Variants in RIMBP2 observed in about 807,000 individuals in gnomAD.
RIMBP2 encodes the protein RIMS-binding protein 2.
RIMBP2 carries 48 observed loss-of-function variants against 118.6 expected under a neutral mutation model. The observed-to-expected ratio is 0.40, with a 90% confidence interval of 0.32 to 0.51. The LOEUF (loss-of-function observed/expected upper bound fraction) is 0.51, where lower values mean the gene tolerates loss of function less well. Ranked by LOEUF, RIMBP2 falls within the 20% of genes least tolerant of loss-of-function variation. The pLI, the probability that RIMBP2 is intolerant of heterozygous loss-of-function variation, is 0.41. For missense variants in RIMBP2, 1,551 were observed against 1,768.3 expected, an observed-to-expected ratio of 0.88 and a Z score of 2.20; for synonymous variants, 762 against 742.9, an observed-to-expected ratio of 1.03 and a Z score of -0.42.
intron 2 of RIMBP2, among the ~76,000 whole-genome samples, chr12:130,573,158 A>C (rs1281384817): frequency 2.0e-5 from 3 of 152,066 alleles, no homozygotes; most frequent in Non-Finnish European, 4.4e-5. Flanking sequence ...CTTCATCCCA[A>C]AAAAAGGTAT....
chr12:130,420,479 T>C lies in RIMBP2; in HGVS notation c.3238+1974A>G, dbSNP rs2076347380. ...GAAATTAAGACACGCATGCAGCCTT[T>C]GGAATTCTACGGCTTCAGAAAAATC... On this transcript the variant is annotated intron_variant, in intron 17 of 22. Transcript: ENST00000690449. This position sits in a 1 kb window ranked among gnomAD's most constrained non-coding sequence, Gnocchi z 4.3. 6.6e-6 allele frequency among the ~76,000 whole-genome samples: 1 copy of C among 152,228 alleles called. No individual in the cohort carries two copies. Among genetic ancestry groups the C allele is most frequent in the African/African-American group, 2.4e-5 (1 of 41,468 alleles).
Position 130,620,467 on chromosome 12 carries a change from T to C in RIMBP2, c.-217+7855A>G, listed in dbSNP as rs1198537521. 6.6e-6 allele frequency among the ~76,000 whole-genome samples: 1 copy of C among 152,092 alleles called. No homozygotes were observed. The highest frequency in any genetic ancestry group is 2.1e-4 in the South Asian group (1 of 4,816). ...TGCAACCAGAGACCTCACGTTAGTT[T>C]CCTCCAGCCGCCGTGACAAAGTACG... On this transcript the variant is annotated intron_variant, in intron 2 of 22. Coordinates refer to ENST00000690449, the MANE Select transcript of RIMBP2 (RefSeq NM_001393629.1). The surrounding 1 kb of genome is among the most constrained non-coding windows in gnomAD (Gnocchi z 5.3).
intron 4 of RIMBP2, among the ~76,000 whole-genome samples, chr12:130,488,556 A>G (rs1237488073): frequency 6.6e-6 from 1 of 152,218 alleles, no homozygotes; most frequent in African/African-American, 2.4e-5. Context: ...ATACTGATTC[A>G]TTCTGCACAG....
At chr12:130,458,496 G>A (rs536844205) in intron 6 of RIMBP2, among the ~76,000 whole-genome samples, 57 of 152,196 alleles carry the variant, frequency 3.7e-4, no homozygotes, top group African/African-American at 1.3e-3. Context: ...ACAGAGTGAC[G>A]GGCCCTGCAG....
chr12:130,526,624 G>A (rs550602658), intron 2 of RIMBP2, among the ~76,000 whole-genome samples: 31 of 152,122 alleles, frequency 2.0e-4, no homozygotes, highest in African/African-American at 7.0e-4. Flanking sequence ...TTATGTTTTA[G>A]AAAAGCCATA....
At chr12:130,559,905 C>T (rs1262651608) in intron 2 of RIMBP2, among the ~76,000 whole-genome samples, 2 of 152,230 alleles carry the variant, frequency 1.3e-5, no homozygotes, top group Non-Finnish European at 2.9e-5. Context: ...AACGGTAACA[C>T]CTGCCTCGAA....
At chr12:130,663,842 A>G (rs745380620) in intron 1 of RIMBP2, among the ~76,000 whole-genome samples, 9 of 151,750 alleles carry the variant, frequency 5.9e-5, no homozygotes, top group Non-Finnish European at 8.8e-5. Context: ...GCAAATACAT[A>G]TGCACAGGTT....
Position 130,475,005 on chromosome 12 carries a change from G to A in RIMBP2, c.102+3907C>T, listed in dbSNP as rs2081312459. Among the ~76,000 whole-genome samples, 1 of 152,294 alleles carries A rather than the reference G, an allele frequency of 6.6e-6. No individual in the cohort carries two copies. The highest frequency in any genetic ancestry group is 1.5e-5 in the Non-Finnish European group (1 of 68,032). The stretch of plus-strand genomic sequence containing the variant: ...CTTGCTCCCGGTCTCCAGGAAGCAC[G>A]CGTCTCCCGGGAGAGCCTGAGGTTA... On this transcript the variant is annotated intron_variant, in intron 5 of 22. Coordinates refer to ENST00000690449, the MANE Select transcript of RIMBP2 (RefSeq NM_001393629.1). The surrounding 1 kb of genome is among the most constrained non-coding windows in gnomAD (Gnocchi z 4.1).
chr12:130,612,834 G>A (rs774426165), intron 2 of RIMBP2, among the ~76,000 whole-genome samples: 2 of 152,160 alleles, frequency 1.3e-5, no homozygotes, highest in Non-Finnish European at 2.9e-5. Flanking sequence ...AGCCTGCAGG[G>A]CTGAGCTGGG....
intron 1 of RIMBP2, among the ~76,000 whole-genome samples, chr12:130,699,884 G>A (rs1593032453): frequency 7.7e-6 from 1 of 129,970 alleles, no homozygotes; most frequent in African/African-American, 2.7e-5. Flanking sequence ...CAGCCTGGGT[G>A]ATGGTGTGAG....
At position 130,629,974 on chromosome 12, in the gene RIMBP2, T is replaced by TTAA. The variant is rs1555313849; in HGVS notation, c.-351-1519_-351-1518insTTA. ...ATCATCCAGCCAACCAATCAAGCTT[T>TTAA]AAAAAAAAAAAAAAAAAAGCAACAA... On this transcript the variant is annotated intron_variant, in intron 1 of 22. Coordinates refer to ENST00000690449, the MANE Select transcript of RIMBP2 (RefSeq NM_001393629.1). Among the ~76,000 whole-genome samples the TTAA allele has an allele frequency of 6.7e-5, 7 of 104,520 alleles. No individual in the cohort carries two copies. In the South Asian group the frequency reaches 2.6e-3, roughly 39 times the overall value. 68.6% of individuals were successfully genotyped at this position (104,520 alleles called of 152,430 possible). A position where few individuals can be genotyped will look rare whatever the true frequency, so the allele number is the denominator to read the frequency against.
chr12:130,653,856 G>T (rs977610210), intron 1 of RIMBP2, among the ~76,000 whole-genome samples: 1 of 152,234 alleles, frequency 6.6e-6, no homozygotes, highest in African/African-American at 2.4e-5. Context: ...AGGGTCCTTT[G>T]AGCTGAGGCT....
chr12:130,714,409 C>T (rs938394569), intron 1 of RIMBP2, among the ~76,000 whole-genome samples: 2 of 152,200 alleles, frequency 1.3e-5, no homozygotes, highest in Admixed American at 6.5e-5. Flanking sequence ...GGTTCTCTGC[C>T]GGGCTTGCAG....
At chr12:130,522,839 A>G (rs1436304944) in intron 2 of RIMBP2, among the ~76,000 whole-genome samples, 3 of 152,200 alleles carry the variant, frequency 2.0e-5, no homozygotes, top group Non-Finnish European at 2.9e-5. Context: ...GGGTGACTCT[A>G]TTTGGAGATG....
intron 12 of RIMBP2, among the ~76,000 whole-genome samples, chr12:130,437,970 C>T (rs1187638593): frequency 6.6e-6 from 1 of 152,226 alleles, no homozygotes; most frequent in African/African-American, 2.4e-5. Flanking sequence ...GAGTCAAGGC[C>T]TGGTCACCTG....
intron 1 of RIMBP2, chr12:130,660,710 G>A (rs536225362): frequency 2.2e-3 from 334 of 152,340 alleles, no homozygotes; most frequent in Non-Finnish European, 4.1e-3. Context: ...GGTGGGTGAG[G>A]TGGGGGCCTT....
intron 2 of RIMBP2, among the ~76,000 whole-genome samples, chr12:130,597,306 C>T (rs948856807): frequency 1.3e-5 from 2 of 152,160 alleles, no homozygotes; most frequent in Non-Finnish European, 2.9e-5. Flanking sequence ...TGCAGTGGTG[C>T]GATCTCTGCT....
At position 130,434,753 on chromosome 12, in the gene RIMBP2, C is replaced by G. The variant is rs763297868; in HGVS notation, c.2234G>C (p.Gly745Ala). The G allele has an allele frequency of 2.5e-6, 4 of 1,613,126 alleles. No homozygotes were observed. Among genetic ancestry groups the G allele is most frequent in the Non-Finnish European group, 3.4e-6 (4 of 1,179,908 alleles). ...RGASVDDFLK[G>A]SELGKQPHCC... is the part of the protein sequence containing the mutation. The stretch of plus-strand genomic sequence containing the variant: ...TCTCACCTGCTTGCCAAGTTCAGAG[C>G]CTTTCAGGAAGTCGTCCACCGAGGC... The change falls in exon 14 of 23, where the codon GGC becomes GCC. Residue 745 changes from glycine to alanine, a missense_variant. By Grantham distance (60) the Gly-to-Ala change is moderately conservative. Around this residue, in one of 5 missense-constraint regions of RIMBP2, gnomAD observed 1,038 missense variants for 1,125.1 expected, o/e 0.92. Coordinates refer to ENST00000690449, the MANE Select transcript of RIMBP2 (RefSeq NM_001393629.1). The surrounding 1 kb of genome is among the most constrained non-coding windows in gnomAD (Gnocchi z 5.7).
intron 2 of RIMBP2, among the ~76,000 whole-genome samples, chr12:130,524,730 C>G (rs1406492176): frequency 1.3e-5 from 2 of 152,162 alleles, no homozygotes; most frequent in Non-Finnish European, 2.9e-5. Context: ...CCAATTTGCA[C>G]TCATTTAGGG....
Sources: gnomAD v4.1 joint callset for allele counts (sites outside exome capture counted in the v4.1 genomes callset) on GRCh38, gnomAD v4.1.1 for gene constraint, gnomAD v4.1.1 regional missense constraint, Gnocchi (gnomAD v3.1) non-coding constraint, MANE v1.5 for transcripts, NCBI Gene and HGNC (gene_info 2026-07-23, HGNC 2026-07-21) for gene names.